SNRNP40: variants seen among roughly 807,000 people sequenced by gnomAD.
The protein encoded by SNRNP40 is small nuclear ribonucleoprotein U5 subunit 40.
A neutral mutation model predicts 45.8 loss-of-function variants in SNRNP40; 21 were observed. The ratio of observed to expected loss-of-function variants is 0.46; its 90% confidence interval spans 0.32 to 0.66. SNRNP40 has a LOEUF of 0.66. Ranked by LOEUF, SNRNP40 falls within the 30% of genes least tolerant of loss-of-function variation. The probability of loss-of-function intolerance (pLI) is 0.03; values close to 1 mark genes in which losing one functional copy is unlikely to be tolerated. For missense variants in SNRNP40, 344 were observed against 439.1 expected (o/e 0.78, Z 1.94); for synonymous variants, 142 against 163.8 (o/e 0.87, Z 1.01).
chr1:31,263,739 T>C (rs758878986), intron 8 of SNRNP40: 6 of 344,606 alleles, frequency 1.7e-5, no homozygotes, highest in Non-Finnish European at 3.3e-5. Flanking sequence ...TGTCCTGTGC[T>C]GAAGGTTTCC....
intron 4 of SNRNP40, among the ~76,000 whole-genome samples, chr1:31,285,233 C>A (rs977513094): frequency 7.0e-6 from 1 of 143,412 alleles, no homozygotes; most frequent in Non-Finnish European, 1.5e-5. Flanking sequence ...TTACCCAATG[C>A]CTTATCACCT....
chr1:31,281,619 T>C (rs1646017127), intron 4 of SNRNP40, 123 bp from the exon 5 acceptor site: 3 of 777,574 alleles, frequency 3.9e-6, no homozygotes, highest in Non-Finnish European at 3.8e-6. Context: ...GGATCCTATA[T>C]CACTAACTCC....
At chr1:31,261,251 T>C in intron 9 of SNRNP40, 1 of 411,896 alleles carries the variant, frequency 2.4e-6, no homozygotes, top group South Asian at 2.4e-5. Context: ...CTTGGGAGGC[T>C]GAGGCAGGAG....
chr1:31,278,210 G>A (rs1216131100), intron 5 of SNRNP40, among the ~76,000 whole-genome samples: 3 of 152,120 alleles, frequency 2.0e-5, no homozygotes, highest in Non-Finnish European at 4.4e-5. Flanking sequence ...TAAGCTGTGA[G>A]AATTTGTGCT....
chr1:31,296,656 T>A lies in SNRNP40; in HGVS notation c.96A>T (p.Pro32=). The part of the protein sequence containing the change: ...HELLLGAGSG[P]GAGQQQATPG... ...GCGTCGCCTGCTGCTGCCCGGCTCC[T>A]GGGCCAGACCCCGCTCCCAACAGCA... Residue 32 remains proline, a synonymous_variant, in exon 1 of 10, where the codon CCA becomes CCT. Coordinates refer to ENST00000263694, the MANE Select transcript of SNRNP40 (RefSeq NM_004814.3). 1 of 1,613,794 alleles carries A rather than the reference T, an allele frequency of 6.2e-7. No homozygotes were observed.
intron 7 of SNRNP40, among the ~76,000 whole-genome samples, chr1:31,268,351 T>C (rs962432426): frequency 2.0e-5 from 3 of 150,976 alleles, no homozygotes; most frequent in Non-Finnish European, 4.4e-5. Context: ...GGCACAATCA[T>C]AGCTCACTGT....
intron 1 of SNRNP40, among the ~76,000 whole-genome samples, chr1:31,296,186 A>G (rs1646154294): frequency 6.6e-6 from 1 of 152,204 alleles, no homozygotes; most frequent in Non-Finnish European, 1.5e-5. Flanking sequence ...ACTAGTGCAG[A>G]GAAATAAAGG....
At chr1:31,274,665 AC>A (rs1227598790) in intron 5 of SNRNP40, among the ~76,000 whole-genome samples, 1 of 148,316 alleles carries the variant, frequency 6.7e-6, no homozygotes, top group Admixed American at 6.7e-5. Flanking sequence ...AAAAAAAAAA[AC>A]CAAACTGAAC....
intron 8 of SNRNP40, among the ~76,000 whole-genome samples, chr1:31,266,944 T>C (rs918110270): frequency 1.3e-5 from 2 of 152,232 alleles, no homozygotes; most frequent in African/African-American, 4.8e-5. Flanking sequence ...GTACCTCACT[T>C]TGTCTGTCTG....
intron 4 of SNRNP40, among the ~76,000 whole-genome samples, chr1:31,284,692 G>A (rs1646043184): frequency 6.6e-6 from 1 of 152,214 alleles, no homozygotes; most frequent in South Asian, 2.1e-4. Context: ...TTTAGGGAAG[G>A]TCATAGGCTT....
chr1:31,287,809 C>T (rs1458554350), intron 4 of SNRNP40, among the ~76,000 whole-genome samples: 2 of 152,114 alleles, frequency 1.3e-5, no homozygotes, highest in African/African-American at 4.8e-5. Context: ...ACCAGCCTGG[C>T]CAATATGATG....
At chr1:31,269,381 G>A in intron 6 of SNRNP40, 141 bp from the exon 7 acceptor site, 5 of 1,463,896 alleles carry the variant, frequency 3.4e-6, no homozygotes, top group Non-Finnish European at 4.5e-6. Flanking sequence ...TTGACATACT[G>A]CTACCTGTTA....
chr1:31,296,512 G>A lies in SNRNP40; in HGVS notation c.141+99C>T. ...AACTCTGCGTAGAAACTCTCGTTCT[G>A]CCCCCGCAATGCGGGAAAGGGTCAG... On this transcript the variant is annotated intron_variant, in intron 1 of 9. Transcript: ENST00000263694. The A allele has an allele frequency of 2.8e-6, 4 of 1,406,606 alleles. No homozygotes were observed. The African/African-American group carries it at 4.3e-5, about 15-fold the overall frequency. 87.1% of individuals were successfully genotyped at this position (1,406,606 alleles called of 1,614,324 possible).
At chr1:31,276,261 T>C (rs968948867) in intron 5 of SNRNP40, among the ~76,000 whole-genome samples, 2 of 152,166 alleles carry the variant, frequency 1.3e-5, no homozygotes, top group African/African-American at 4.8e-5. Context: ...TAGCAATTAA[T>C]TGGCAAATTG....
chr1:31,296,562 G>A (rs368912864), intron 1 of SNRNP40, 49 bp downstream of exon 1: 25 of 1,568,166 alleles, frequency 1.6e-5, no homozygotes, highest in Middle Eastern at 1.9e-4. Context: ...AGCGCTCTGA[G>A]GGGAGGAAGA....
chr1:31,272,010 G>A (rs1645942616), intron 5 of SNRNP40, among the ~76,000 whole-genome samples: 2 of 152,172 alleles, frequency 1.3e-5, no homozygotes, highest in East Asian at 1.9e-4. Context: ...CATATCAAAT[G>A]TTAAGATAAA....
At chr1:31,267,213 G>A (rs868510251) in intron 8 of SNRNP40, among the ~76,000 whole-genome samples, 1 of 152,154 alleles carries the variant, frequency 6.6e-6, no homozygotes, top group African/African-American at 2.4e-5. Flanking sequence ...GTGATGGTGG[G>A]GGAGGTGGGT....
chr1:31,289,245 A>T lies in SNRNP40; in HGVS notation c.531+9T>A, dbSNP rs766381914. On this transcript the variant is annotated intron_variant, in intron 4 of 9. Coordinates refer to ENST00000263694, the MANE Select transcript of SNRNP40 (RefSeq NM_004814.3). ...CTCAGAAACTGGAACACGGAGAGAC[A>T]ATACCCACCTTAACTGTGCCATCGT... 3.1e-6 allele frequency: 5 copies of T among 1,613,410 alleles called. No individual in the cohort carries two copies. Among genetic ancestry groups the T allele is most frequent in the Non-Finnish European group, 4.2e-6 (5 of 1,179,476 alleles).
intron 5 of SNRNP40, among the ~76,000 whole-genome samples, chr1:31,280,490 C>T (rs963369343): frequency 5.9e-5 from 9 of 151,990 alleles, no homozygotes; most frequent in Non-Finnish European, 1.3e-4. Flanking sequence ...TCCAAAGTAA[C>T]AGCAAAGGAA....
Sources: allele counts gnomAD v4.1 joint callset (sites outside exome capture counted in the v4.1 genomes callset), GRCh38; gene constraint gnomAD v4.1.1; transcripts MANE v1.5; gene names NCBI Gene and HGNC (gene_info 2026-07-23, HGNC 2026-07-21).